NRG1: variants seen among roughly 807,000 people sequenced by gnomAD.
NRG1 encodes pro-neuregulin-1, membrane-bound isoform.
NRG1 carries 18 observed loss-of-function variants against 63.8 expected under a neutral mutation model. The observed-to-expected ratio is 0.28, with a 90% CI of 0.19 to 0.42. The LOEUF (loss-of-function observed/expected upper bound fraction) is 0.42. NRG1 is among the 10% of genes least tolerant of loss of function. The pLI, the probability that NRG1 is intolerant of heterozygous loss-of-function variation, is 1.00. For synonymous variants in NRG1, 302 were observed against 301.3 expected, an observed-to-expected ratio of 1.00 and a Z score of -0.02; for missense variants, 762 against 814.7, an observed-to-expected ratio of 0.94 and a Z score of 0.79.
chr8:32,661,110 C>A (rs1411882702), intron 5 of NRG1, among the ~76,000 whole-genome samples: 1 of 152,120 alleles, frequency 6.6e-6, no homozygotes, highest in Non-Finnish European at 1.5e-5. Flanking sequence ...AGAAATAGAG[C>A]GACATGGATG....
chr8:31,815,136 T>A (rs1586604178), intron 1 of NRG1, among the ~76,000 whole-genome samples: 1 of 152,282 alleles, frequency 6.6e-6, no homozygotes, highest in African/African-American at 2.4e-5. Context: ...TTCACTGGTA[T>A]TAAATGCATC....
intron 1 of NRG1, among the ~76,000 whole-genome samples, chr8:32,462,199 G>A (rs1822403501): frequency 6.6e-6 from 1 of 152,198 alleles, no homozygotes; most frequent in African/African-American, 2.4e-5. Flanking sequence ...AAGGAGAAAT[G>A]TCTTGTCCTG....
rs186221521 is a variant in NRG1, at chr8:31,675,432, A to G, written c.37+36001A>G. On this transcript the variant is annotated intron_variant, in intron 1 of 10. Transcript: ENST00000519301. ...AAAGATGAAGCTTTACTGAGGGCTG[A>G]TATACTCAATACTTCTGCCCAGTCC... 2.4e-3 allele frequency among the ~76,000 whole-genome samples: 370 copies of G among 152,344 alleles called. 2 individuals carry two copies. The highest frequency in any genetic ancestry group is 3.2e-3 in the Non-Finnish European group (221 of 68,030).
chr8:32,648,420 T>C (rs781223462), intron 5 of NRG1: 8 of 1,599,120 alleles, frequency 5.0e-6, no homozygotes, highest in African/African-American at 1.3e-5. Context: ...ATGATGATGA[T>C]GAATAAAAGG....
At chr8:32,463,853 A>C (rs1822649944) in intron 1 of NRG1, among the ~76,000 whole-genome samples, 2 of 135,600 alleles carry the variant, frequency 1.5e-5, no homozygotes, top group African/African-American at 2.7e-5. Flanking sequence ...TCACACACAC[A>C]CACGAAAAAA....
At chr8:32,224,163 CTGT>C (rs2132509953) in intron 1 of NRG1, among the ~76,000 whole-genome samples, 1 of 152,240 alleles carries the variant, frequency 6.6e-6, no homozygotes, top group South Asian at 2.1e-4. Context: ...GAGGAAGAGT[CTGT>C]GGAAGCAATT....
At chr8:31,806,119 T>C (rs1244240908) in intron 1 of NRG1, among the ~76,000 whole-genome samples, 1 of 152,156 alleles carries the variant, frequency 6.6e-6, no homozygotes, top group African/African-American at 2.4e-5. Context: ...TGCCATAATT[T>C]ATATTCATTA....
intron 1 of NRG1, among the ~76,000 whole-genome samples, chr8:32,330,036 C>A (rs887033194): frequency 5.5e-5 from 5 of 90,882 alleles, no homozygotes; most frequent in African/African-American, 1.6e-4. Flanking sequence ...CCACACCTAG[C>A]TAATTAAAAA....
At chr8:31,662,489 C>A (rs1370278918) in intron 1 of NRG1, among the ~76,000 whole-genome samples, 1 of 152,146 alleles carries the variant, frequency 6.6e-6, no homozygotes, top group African/African-American at 2.4e-5. Flanking sequence ...CAATGCCTAC[C>A]AGGTGCACCT....
At chr8:31,821,772 G>C (rs796623060) in intron 1 of NRG1, among the ~76,000 whole-genome samples, 13 of 151,614 alleles carry the variant, frequency 8.6e-5, no homozygotes, top group African/African-American at 3.1e-4. Context: ...TTATGTGTTA[G>C]AGAGAAACCA....
At position 31,651,538 on chromosome 8, in the gene NRG1, T is replaced by A. The variant is rs573676739; in HGVS notation, c.37+12107T>A. ...TTGGTTTTCAGGGGGGTGGCAGCAG[T>A]TCTAATGGCTGCAGGGCGAGGCTTC... On this transcript the variant is annotated intron_variant, in intron 1 of 10. Coordinates refer to the NRG1 transcript ENST00000519301. 1.1e-4 allele frequency among the ~76,000 whole-genome samples: 17 copies of A among 152,248 alleles called. No individual in the cohort carries two copies. The South Asian group carries it at 1.4e-3, about 13-fold the overall frequency.
At chr8:31,870,077 G>A (rs765024747) in intron 1 of NRG1, among the ~76,000 whole-genome samples, 2 of 152,170 alleles carry the variant, frequency 1.3e-5, no homozygotes, top group African/African-American at 2.4e-5. Flanking sequence ...GAAAAGGAAT[G>A]AGTTTAGGTT....
chr8:32,193,304 TTGTGTGTG>T (rs142841681), intron 1 of NRG1, among the ~76,000 whole-genome samples: 3 of 147,958 alleles, frequency 2.0e-5, no homozygotes, highest in South Asian at 2.2e-4. Context: ...TTTTCTACCT[TTGTGTGTG>T]TGTGTGTGTG....
chr8:31,922,249 G>A (rs2129618887), intron 1 of NRG1, among the ~76,000 whole-genome samples: 1 of 152,268 alleles, frequency 6.6e-6, no homozygotes, highest in South Asian at 2.1e-4. Context: ...CAATAGCAGA[G>A]GCAATGGAAT....
intron 6 of NRG1, chr8:32,728,726 C>A: frequency 1.1e-6 from 1 of 873,458 alleles, no homozygotes; most frequent in Non-Finnish European, 1.4e-6. Context: ...TCTAGAATAG[C>A]ACTGTCTTTC....
At chr8:31,712,264 T>A (rs1259962499) in intron 1 of NRG1, among the ~76,000 whole-genome samples, 1 of 11,324 alleles carries the variant, frequency 8.8e-5, no homozygotes, top group Non-Finnish European at 3.1e-4. Context: ...TCTTTTTTTT[T>A]TTTTTTTTTT....
chr8:32,131,234 G>A (rs1834780155), intron 1 of NRG1, among the ~76,000 whole-genome samples: 1 of 151,936 alleles, frequency 6.6e-6, no homozygotes, highest in Admixed American at 6.6e-5. Context: ...ACATGCTTAT[G>A]AAAATGCAGT....
intron 1 of NRG1, among the ~76,000 whole-genome samples, chr8:32,143,990 T>C (rs1836580827): frequency 6.6e-6 from 1 of 152,184 alleles, no homozygotes; most frequent in Non-Finnish European, 1.5e-5. Context: ...CAATTTCTCC[T>C]CCCATGAGGC....
intron 1 of NRG1, among the ~76,000 whole-genome samples, chr8:31,851,526 A>G (rs1171775420): frequency 6.6e-6 from 1 of 152,224 alleles, no homozygotes; most frequent in African/African-American, 2.4e-5. Flanking sequence ...TTGTTTTATT[A>G]GGTGAGTGCA....
Sources: allele counts gnomAD v4.1 joint callset (sites outside exome capture counted in the v4.1 genomes callset), GRCh38; gene constraint gnomAD v4.1.1; transcripts MANE v1.5; gene names NCBI Gene and HGNC (gene_info 2026-07-23, HGNC 2026-07-21).